ANKRD17: variants seen among roughly 807,000 people sequenced by gnomAD.
ANKRD17 encodes ankyrin repeat domain-containing protein 17.
ANKRD17 carries 19 observed loss-of-function variants against 229.7 expected under a neutral mutation model. The observed-to-expected ratio is 0.08, with a 90% CI of 0.06 to 0.12. The LOEUF (loss-of-function observed/expected upper bound fraction) is 0.12. ANKRD17 is among the 10% of genes least tolerant of loss of function. The probability of loss-of-function intolerance (pLI) is 1.00; values close to 1 mark genes in which losing one functional copy is unlikely to be tolerated. For missense variants in ANKRD17, 2,176 were observed against 3,176.8 expected, an observed-to-expected ratio of 0.68 and a Z score of 7.57; for synonymous variants, 1,112 against 1,146.1, an observed-to-expected ratio of 0.97 and a Z score of 0.60.
At chr4:73,242,146 AG>A (rs1744097945) in intron 1 of ANKRD17, among the ~76,000 whole-genome samples, 2 of 152,306 alleles carry the variant, frequency 1.3e-5, no homozygotes, top group African/African-American at 4.8e-5. Context: ...TCACGCAATA[AG>A]AGAACAAAAA....
intron 25 of ANKRD17, among the ~76,000 whole-genome samples, chr4:73,101,909 AC>A (rs1724049293): frequency 6.6e-6 from 1 of 152,054 alleles, no homozygotes; most frequent in Admixed American, 6.6e-5. Context: ...AATTCAGTCA[AC>A]AAAAAAAAAG....
At chr4:73,153,743 G>T in intron 6 of ANKRD17, 137 bp downstream of exon 6, 1 of 554,888 alleles carries the variant, frequency 1.8e-6, no homozygotes, top group Non-Finnish European at 2.9e-6. Flanking sequence ...CTGCAACACT[G>T]CAAACACTTA....
chr4:73,190,781 G>GA (rs1214190733), intron 1 of ANKRD17, among the ~76,000 whole-genome samples: 3 of 151,108 alleles, frequency 2.0e-5, no homozygotes, highest in Admixed American at 6.6e-5. Flanking sequence ...TAAAATGGAA[G>GA]AAAAAAATGT....
Position 73,148,921 on chromosome 4 carries a change from T to C in ANKRD17, c.1459A>G (p.Ile487Val). 6.2e-7 allele frequency: 1 copy of C among 1,613,850 alleles called. No individual in the cohort carries two copies. Among genetic ancestry groups the C allele is most frequent in the Non-Finnish European group, 8.5e-7 (1 of 1,179,924 alleles). ...GGHVELAALL[I>V]ERGASLEEVN... The stretch of plus-strand genomic sequence containing the variant: ...TCTTCCAGGCTAGCTCCTCTTTCAA[T>C]AAGTAAAGCCGCAAGTTCCACATGC... The change falls in exon 8 of 34, where the codon ATT (isoleucine) becomes GTT (valine). Residue 487 changes from isoleucine to valine, a missense_variant. Coordinates refer to ENST00000358602, the MANE Select transcript of ANKRD17 (RefSeq NM_032217.5).
chr4:73,201,259 A>C (rs1738639204), intron 1 of ANKRD17, among the ~76,000 whole-genome samples: 1 of 152,142 alleles, frequency 6.6e-6, no homozygotes, highest in Admixed American at 6.5e-5. Flanking sequence ...AATATACAAA[A>C]ATTCTCTAGA....
intron 1 of ANKRD17, among the ~76,000 whole-genome samples, chr4:73,210,876 G>A (rs895174724): frequency 1.3e-5 from 2 of 151,640 alleles, no homozygotes; most frequent in African/African-American, 4.9e-5. Context: ...TTCCAAATTT[G>A]GCTCTGGTTG....
intron 27 of ANKRD17, among the ~76,000 whole-genome samples, chr4:73,094,765 T>C (rs1036003788): frequency 6.6e-6 from 1 of 151,642 alleles, no homozygotes; most frequent in Non-Finnish European, 1.5e-5. Context: ...ATATACTGGT[T>C]GGGCATCTAA....
chr4:73,226,638 C>T (rs1742542446), intron 1 of ANKRD17, among the ~76,000 whole-genome samples: 1 of 151,958 alleles, frequency 6.6e-6, no homozygotes, highest in South Asian at 2.1e-4. Context: ...CGTAATTCAC[C>T]CGCCTCAGAC....
At chr4:73,174,359 A>G (rs1734453745) in intron 2 of ANKRD17, among the ~76,000 whole-genome samples, 1 of 152,222 alleles carries the variant, frequency 6.6e-6, no homozygotes, top group Admixed American at 6.5e-5. Flanking sequence ...TGATGCAGAA[A>G]AAACATTTGA....
chr4:73,214,616 T>G (rs1740752513), intron 1 of ANKRD17, among the ~76,000 whole-genome samples: 2 of 151,648 alleles, frequency 1.3e-5, no homozygotes, highest in African/African-American at 4.9e-5. Context: ...TATTCTTCTC[T>G]GCATGCACTC....
intron 1 of ANKRD17, among the ~76,000 whole-genome samples, chr4:73,193,876 G>A (rs1308863848): frequency 6.6e-6 from 1 of 152,130 alleles, no homozygotes; most frequent in Non-Finnish European, 1.5e-5. Context: ...AGGCTGCAGT[G>A]ACCCATGATT....
intron 33 of ANKRD17, 48 bp from the exon 34 acceptor site, chr4:73,076,338 T>C (rs1395847935): frequency 7.1e-7 from 1 of 1,402,606 alleles, no homozygotes. Flanking sequence ...CTAGCATATA[T>C]TTTATTAAAA....
rs571940725 is a variant in ANKRD17, at chr4:73,159,017, CAA to C, written c.704+2173_704+2174del. On this transcript the variant is annotated intron_variant, in intron 3 of 33. Coordinates refer to ENST00000358602, the MANE Select transcript of ANKRD17 (RefSeq NM_032217.5). ...AAATGAACCAAGATGACCTCCAACC[CAA>C]ACACTGTCTTAGCACTTCCCTTTCA... Among the ~76,000 whole-genome samples the C allele has an allele frequency of 2.7e-4, 41 of 152,342 alleles. No homozygotes were observed. In the South Asian group the frequency reaches 3.5e-3, roughly 13 times the overall value.
chr4:73,202,857 A>T (rs906696191), intron 1 of ANKRD17, among the ~76,000 whole-genome samples: 5 of 152,240 alleles, frequency 3.3e-5, no homozygotes, highest in African/African-American at 9.6e-5. Context: ...ACAGAAACAG[A>T]TGTAGAATTA....
chr4:73,099,178 C>A, intron 25 of ANKRD17: 1 of 658,644 alleles, frequency 1.5e-6, no homozygotes, highest in Non-Finnish European at 2.9e-6. Context: ...ACTGAAGGAG[C>A]AGCTTCCTTC....
rs559629428 is a variant in ANKRD17 at position 73,201,970 on chromosome 4, A to C, written c.394-24437T>G. Among the ~76,000 whole-genome samples, 14 of 152,320 alleles carry C rather than the reference A, an allele frequency of 9.2e-5. No homozygotes were observed. The South Asian group carries it at 2.7e-3, about 29-fold the overall frequency. The stretch of plus-strand genomic sequence containing the variant: ...CACTGACACTATTTCTATTGAGTAC[A>C]TATTACACAAAATGAAATGACTTCA... On this transcript the variant is annotated intron_variant, in intron 1 of 33. Transcript: ENST00000358602.
At chr4:73,195,288 T>A (rs1235715367) in intron 1 of ANKRD17, among the ~76,000 whole-genome samples, 1 of 152,234 alleles carries the variant, frequency 6.6e-6, no homozygotes, top group Non-Finnish European at 1.5e-5. Context: ...TAGGATTTTT[T>A]ATCTATGTTC....
chr4:73,179,466 ATG>A (rs55769249), intron 1 of ANKRD17, among the ~76,000 whole-genome samples: 13,435 of 59,002 alleles, frequency 0.23, 2,125 homozygotes, highest in East Asian at 0.45. Flanking sequence ...ATATGTATAT[ATG>A]TGTGTGTGTG....
chr4:73,142,844 A>AAGAGT, intron 11 of ANKRD17, 77 bp from the exon 12 acceptor site: 1 of 1,471,868 alleles, frequency 6.8e-7, no homozygotes, highest in Non-Finnish European at 9.1e-7. Context: ...AAAAATCATG[A>AAGAGT]AGAGTAGAGA....
Sources: gnomAD v4.1 joint callset for allele counts (sites outside exome capture counted in the v4.1 genomes callset) on GRCh38, gnomAD v4.1.1 for gene constraint, MANE v1.5 for transcripts, NCBI Gene and HGNC (gene_info 2026-07-23, HGNC 2026-07-21) for gene names.